KDM3B: variants seen among roughly 807,000 people sequenced by gnomAD.
KDM3B encodes the protein lysine-specific demethylase 3B.
Under a neutral mutation model 170.0 loss-of-function variants are expected in KDM3B, and 10 were observed. The ratio of observed to expected loss-of-function variants is 0.06; its 90% confidence interval spans 0.04 to 0.10. The LOEUF (loss-of-function observed/expected upper bound fraction) is 0.10, where lower values mean the gene tolerates loss of function less well. KDM3B is among the 10% of genes least tolerant of loss of function. KDM3B has a pLI of 1.00. For synonymous variants in KDM3B, 831 were observed against 834.8 expected, an observed-to-expected ratio of 1.00 and a Z score of 0.08; for missense variants, 1,394 against 2,195.2, an observed-to-expected ratio of 0.64 and a Z score of 7.29.
chr5:138,395,362 G>T (rs1026769966), intron 9 of KDM3B, among the ~76,000 whole-genome samples: 1 of 152,208 alleles, frequency 6.6e-6, no homozygotes, highest in Non-Finnish European at 1.5e-5. Context: ...TAGTAAAGGA[G>T]ACTGAGAAAG....
At chr5:138,359,465 C>CT (rs35535602) in intron 1 of KDM3B, among the ~76,000 whole-genome samples, 3,042 of 119,528 alleles carry the variant, frequency 0.025, 58 homozygotes, top group Non-Finnish European at 0.034. Flanking sequence ...CCCCCCCCAC[C>CT]TTTTTTTTTT....
In KDM3B at chr5:138,391,492, T is replaced by C; in HGVS notation, c.1860T>C (p.Asn620=). ...CCCGTACCCCAGAGAATCATGAAAATCTATTTTTACAGCCCCCCAAATTGT... is the reference window on the plus strand; with the variant it reads ...CCCGTACCCCAGAGAATCATGAAAACCTATTTTTACAGCCCCCCAAATTGT... The part of the protein sequence containing the change: ...LNARTPENHE[N]LFLQPPKLSR... The change falls in exon 8 of 24, where the codon AAT becomes AAC. Residue 620 remains asparagine (N), a synonymous_variant. Coordinates refer to ENST00000314358, the MANE Select transcript of KDM3B (RefSeq NM_016604.4). The surrounding 1 kb of genome is among the most constrained non-coding windows in gnomAD (Gnocchi z 5.0). 6.2e-7 allele frequency: 1 copy of C among 1,613,996 alleles called. No individual in the cohort carries two copies.
intron 11 of KDM3B, among the ~76,000 whole-genome samples, chr5:138,410,603 A>C (rs1762939852): frequency 6.6e-6 from 1 of 152,186 alleles, no homozygotes; most frequent in African/African-American, 2.4e-5. Context: ...ATAGAAGAAA[A>C]GACAGCTGGG....
At chr5:138,409,296 A>G (rs909524972) in intron 11 of KDM3B, among the ~76,000 whole-genome samples, 2 of 151,838 alleles carry the variant, frequency 1.3e-5, no homozygotes, top group Non-Finnish European at 2.9e-5. Flanking sequence ...CTATGTAGAA[A>G]TCCAGAGATC....
intron 7 of KDM3B, among the ~76,000 whole-genome samples, chr5:138,387,150 T>A (rs1762284645): frequency 6.6e-6 from 1 of 152,348 alleles, no homozygotes; most frequent in Admixed American, 6.5e-5. Context: ...AAGCCTTACC[T>A]GAAAATTTGA....
intron 22 of KDM3B, among the ~76,000 whole-genome samples, chr5:138,430,926 GAA>G (rs999566078): frequency 6.6e-6 from 1 of 152,100 alleles, no homozygotes; most frequent in Non-Finnish European, 1.5e-5. Context: ...AGCTATTAAA[GAA>G]AAAGTGACAA....
At chr5:138,354,834 T>C (rs1175549833) in intron 1 of KDM3B, among the ~76,000 whole-genome samples, 1 of 152,222 alleles carries the variant, frequency 6.6e-6, no homozygotes, top group Non-Finnish European at 1.5e-5. Flanking sequence ...ATTTTGAGAA[T>C]ACATTTATGC....
intron 11 of KDM3B, among the ~76,000 whole-genome samples, chr5:138,408,129 G>A (rs1184336728): frequency 2.6e-5 from 4 of 152,282 alleles, no homozygotes; most frequent in South Asian, 2.1e-4. Context: ...CACCAGCCAA[G>A]GGGAAAGTTC....
chr5:138,425,383 T>C, intron 16 of KDM3B, 28 bp from the exon 17 acceptor site: 2 of 1,608,496 alleles, frequency 1.2e-6, no homozygotes, highest in Non-Finnish European at 1.7e-6. Context: ...CCTAGATTGC[T>C]CTGATTGGGA....
intron 9 of KDM3B, among the ~76,000 whole-genome samples, chr5:138,394,625 T>A (rs930958453): frequency 1.3e-5 from 2 of 152,082 alleles, no homozygotes; most frequent in African/African-American, 4.8e-5. Context: ...GTTGCTAAAA[T>A]AGAATAAACA....
rs1580866281 is a variant in KDM3B, at chr5:138,352,838, C to T, written c.43C>T (p.Leu15=). 2 of 1,362,126 alleles carry T rather than the reference C, an allele frequency of 1.5e-6. No homozygotes were observed. The highest frequency in any genetic ancestry group is 3.0e-5 in the African/African-American group (2 of 65,658). 84.4% of individuals were successfully genotyped at this position (1,362,126 alleles called of 1,614,324 possible). A position where few individuals can be genotyped will look rare whatever the true frequency, so the allele number is the denominator to read the frequency against. Residue 15 remains leucine, a synonymous_variant, in exon 1 of 24, where the codon CTG becomes TTG. Coordinates refer to ENST00000314358, the MANE Select transcript of KDM3B (RefSeq NM_016604.4). ...CTCCCCGGTGGGCAAGCGGCTGCTG[C>T]TGCTGTTCGCGGACACTGCGGCCTC... ...AASPVGKRLL[L]LFADTAASAS...
intron 11 of KDM3B, among the ~76,000 whole-genome samples, chr5:138,403,649 C>G (rs1322280031): frequency 1.3e-5 from 2 of 150,528 alleles, no homozygotes; most frequent in Non-Finnish European, 2.9e-5. Context: ...TGCACTCCAG[C>G]CTGGGCAACA....
chr5:138,427,878 C>T, intron 19 of KDM3B, 89 bp from the exon 20 acceptor site: 1 of 1,224,914 alleles, frequency 8.2e-7, no homozygotes, highest in Non-Finnish European at 1.2e-6. Flanking sequence ...CATTTAACAA[C>T]ACCCTTGAGC....
At position 138,419,103 on chromosome 5, in the gene KDM3B, A is replaced by G; in HGVS notation, c.3586A>G (p.Ser1196Gly). 6.2e-7 allele frequency: 1 copy of G among 1,614,234 alleles called. No individual in the cohort carries two copies. Among genetic ancestry groups the G allele is most frequent in the African/African-American group, 1.3e-5 (1 of 75,058 alleles). Residue 1196 changes from serine to glycine, a missense_variant, in exon 14 of 24, where the codon AGT (serine) becomes GGT (glycine). By Grantham distance (56) the Ser-to-Gly change is moderately conservative (BLOSUM62 0). Around this residue, in one of 19 missense-constraint regions of KDM3B, gnomAD observed 87 missense variants for 83.3 expected, o/e 1.04. Coordinates refer to ENST00000314358, the MANE Select transcript of KDM3B (RefSeq NM_016604.4). ...IRSEEPLKTD[S>G]SASNSNSELK... ...ATCTGAAGAGCCTCTGAAAACAGAC[A>G]GTTCGGCATCAAATAGCAATAGTGA...
intron 15 of KDM3B, among the ~76,000 whole-genome samples, chr5:138,421,708 AAAAG>A (rs985020255): frequency 1.3e-5 from 2 of 151,034 alleles, no homozygotes; most frequent in African/African-American, 5.0e-5. Flanking sequence ...AAAGAAAAAT[AAAAG>A]AAAAGGAGAA....
At position 138,417,714 on chromosome 5, in the gene KDM3B, G is replaced by A. The variant is rs575237818; in HGVS notation, c.3435+104G>A. The A allele has an allele frequency of 3.3e-5, 39 of 1,180,468 alleles. No homozygotes were observed. The South Asian group carries it at 5.4e-4, about 16-fold the overall frequency. The allele number at this position is 1,180,468 out of a possible 1,614,324, so 73.1% of individuals were successfully genotyped here. A position where few individuals can be genotyped will look rare whatever the true frequency, so the allele number is the denominator to read the frequency against. ...TATGCCAGGCTACTGTAGGATTCCT[G>A]AGGAATCAGGAGATGGAGAAGCCTT... On this transcript the variant is annotated intron_variant, in intron 13 of 23. Transcript: ENST00000314358.
intron 6 of KDM3B, among the ~76,000 whole-genome samples, chr5:138,385,712 A>G (rs1406550572): frequency 6.6e-6 from 1 of 152,246 alleles, no homozygotes; most frequent in East Asian, 1.9e-4. Context: ...TTAGCACTCT[A>G]TTTTGTAAAA....
rs1254276040 is a variant in KDM3B, at chr5:138,391,323, T to G, written c.1691T>G (p.Leu564Arg). 3 of 1,614,074 alleles carry G rather than the reference T, an allele frequency of 1.9e-6. No individual in the cohort carries two copies. Residue 564 changes from leucine to arginine, a missense_variant, in exon 8 of 24, where the codon CTG becomes CGG. This residue lies in a region of KDM3B where 294 missense variants were observed against 311.7 expected (regional missense o/e 0.94). Coordinates refer to ENST00000314358, the MANE Select transcript of KDM3B (RefSeq NM_016604.4). This position sits in a 1 kb window ranked among gnomAD's most constrained non-coding sequence, Gnocchi z 5.0. ...TCATTCAAACAAAGCCTTGAGAGCCTGAGCTCAGGCCTGTGTAAAGGCAGA... is the reference window on the plus strand; with the variant it reads ...TCATTCAAACAAAGCCTTGAGAGCCGGAGCTCAGGCCTGTGTAAAGGCAGA... ...RDSFKQSLES[L>R]SSGLCKGRSV...
At chr5:138,418,260 A>G (rs1182433557) in intron 13 of KDM3B, among the ~76,000 whole-genome samples, 1 of 151,804 alleles carries the variant, frequency 6.6e-6, no homozygotes, top group Non-Finnish European at 1.5e-5. Flanking sequence ...TTTTATTTGT[A>G]GTAGAGACAG....
Sources: gnomAD v4.1 joint callset for allele counts (sites outside exome capture counted in the v4.1 genomes callset) on GRCh38, gnomAD v4.1.1 for gene constraint, gnomAD v4.1.1 regional missense constraint, Gnocchi (gnomAD v3.1) non-coding constraint, MANE v1.5 for transcripts, NCBI Gene and HGNC (gene_info 2026-07-23, HGNC 2026-07-21) for gene names.